Variants in MPZL1 observed in about 807,000 individuals in gnomAD.
MPZL1 encodes the protein myelin protein zero like 1.
In MPZL1, 16 loss-of-function variants were observed where a neutral mutation model predicts 29.3. The ratio of observed to expected loss-of-function variants is 0.55; its 90% CI spans 0.37 to 0.83. The LOEUF (loss-of-function observed/expected upper bound fraction) is 0.83, where lower values mean the gene tolerates loss of function less well. MPZL1 is among the 40% of genes least tolerant of loss of function. The probability of loss-of-function intolerance (pLI) is 0.00; values close to 1 mark genes in which losing one functional copy is unlikely to be tolerated. For missense variants in MPZL1, 279 were observed against 332.9 expected (o/e 0.84, Z 1.26); for synonymous variants, 143 against 132.0 (o/e 1.08, Z -0.57).
rs397981852 is a variant in MPZL1 at position 167,767,815 on chromosome 1, T to TTTC, written c.258+2066_258+2067insTTC. Among the ~76,000 whole-genome samples, 54 of 143,600 alleles carry TTTC rather than the reference T, an allele frequency of 3.8e-4. 4 individuals carry two copies. The highest frequency in any genetic ancestry group is 1.5e-3 in the African/African-American group (54 of 36,622). 94.2% of individuals were successfully genotyped at this position (143,600 alleles called of 152,430 possible). A position where few individuals can be genotyped will look rare whatever the true frequency, so the allele number is the denominator to read the frequency against. On this transcript the variant is annotated intron_variant, in intron 2 of 5. Coordinates refer to ENST00000359523, the MANE Select transcript of MPZL1 (RefSeq NM_003953.6). ...TGCTTTTTTTTTTTTTTTTTTTTTT[T>TTTC]AGGTTAATTGTGTTCATCTGCAGAT...
intron 5 of MPZL1, among the ~76,000 whole-genome samples, chr1:167,785,885 T>C (rs946297902): frequency 6.6e-6 from 1 of 152,166 alleles, no homozygotes; most frequent in African/African-American, 2.4e-5. Context: ...CTCCGCCTCC[T>C]GGGTTCACAC....
chr1:167,739,310 C>CATAAAT (rs68082264), intron 1 of MPZL1, among the ~76,000 whole-genome samples: 2 of 101,360 alleles, frequency 2.0e-5, no homozygotes, highest in East Asian at 2.5e-4. Context: ...TATATATATA[C>CATAAAT]ACATATATAT....
intron 1 of MPZL1, among the ~76,000 whole-genome samples, chr1:167,764,664 A>C (rs1229119600): frequency 6.6e-6 from 1 of 152,244 alleles, no homozygotes; most frequent in Non-Finnish European, 1.5e-5. Context: ...CGTAACAGAT[A>C]AGCATGAGAA....
intron 1 of MPZL1, among the ~76,000 whole-genome samples, chr1:167,759,441 G>A (rs1660935132): frequency 6.6e-6 from 1 of 152,192 alleles, no homozygotes. Flanking sequence ...TAAGAAACCA[G>A]TGAACTCATC....
At chr1:167,766,917 AG>A (rs1661127172) in intron 2 of MPZL1, among the ~76,000 whole-genome samples, 1 of 152,240 alleles carries the variant, frequency 6.6e-6, no homozygotes, top group African/African-American at 2.4e-5. Context: ...GGATTACCTA[AG>A]GCAGTGCTTC....
chr1:167,773,399 T>C, intron 4 of MPZL1, 31 bp downstream of exon 4: 1 of 1,595,826 alleles, frequency 6.3e-7, no homozygotes, highest in Non-Finnish European at 8.5e-7. Flanking sequence ...AGGGCAGGGG[T>C]GGAGGGAGGG....
intron 1 of MPZL1, among the ~76,000 whole-genome samples, chr1:167,722,473 CGGA>C (rs1371049300): frequency 6.6e-6 from 1 of 152,110 alleles, no homozygotes; most frequent in African/African-American, 2.4e-5. Context: ...TCCTGGAGTG[CGGA>C]GGAGGAGGGG....
chr1:167,746,787 A>G lies in MPZL1; in HGVS notation c.92-18796A>G, dbSNP rs112973404. 6.1e-3 allele frequency among the ~76,000 whole-genome samples: 935 copies of G among 152,336 alleles called. 6 individuals carry two copies. The highest frequency in any genetic ancestry group is 0.02 in the Middle Eastern group (6 of 294). On this transcript the variant is annotated intron_variant, in intron 1 of 5. Coordinates refer to ENST00000359523, the MANE Select transcript of MPZL1 (RefSeq NM_003953.6). ...TGTTTTTGGCTTTTTCCTAAGGGCT[A>G]TATATTCTTAAATTAAAGGTGATTT...
chr1:167,742,461 A>T (rs1036158837), intron 1 of MPZL1, among the ~76,000 whole-genome samples: 2 of 152,102 alleles, frequency 1.3e-5, no homozygotes, highest in Non-Finnish European at 2.9e-5. Context: ...TTTAAAATAA[A>T]TATATATGGA....
intron 1 of MPZL1, among the ~76,000 whole-genome samples, chr1:167,728,251 A>G (rs1397067023): frequency 1.3e-5 from 2 of 151,748 alleles, no homozygotes; most frequent in Admixed American, 6.6e-5. Context: ...CATGTCGGGC[A>G]GGCTGGTCTC....
chr1:167,726,764 A>G (rs1660153200), intron 1 of MPZL1, among the ~76,000 whole-genome samples: 1 of 152,230 alleles, frequency 6.6e-6, no homozygotes, highest in Non-Finnish European at 1.5e-5. Context: ...GCCAAAAGAA[A>G]AAGATAAATG....
At chr1:167,745,889 G>A (rs1037037620) in intron 1 of MPZL1, among the ~76,000 whole-genome samples, 2 of 151,994 alleles carry the variant, frequency 1.3e-5, no homozygotes, top group Non-Finnish European at 2.9e-5. Flanking sequence ...CATTAATTCT[G>A]ACACAGTTTT....
At chr1:167,758,676 G>A (rs941197009) in intron 1 of MPZL1, among the ~76,000 whole-genome samples, 2 of 151,996 alleles carry the variant, frequency 1.3e-5, no homozygotes, top group African/African-American at 2.4e-5. Context: ...ATGACTTTGC[G>A]GGCTTTTTTC....
intron 1 of MPZL1, among the ~76,000 whole-genome samples, chr1:167,739,115 T>TA (rs1302839611): frequency 6.6e-6 from 1 of 151,288 alleles, no homozygotes; most frequent in African/African-American, 2.4e-5. Context: ...CTAAGCTTTG[T>TA]GTTTTTTGGT....
intron 1 of MPZL1, among the ~76,000 whole-genome samples, chr1:167,740,418 T>C (rs1270235614): frequency 6.6e-6 from 1 of 152,302 alleles, no homozygotes; most frequent in South Asian, 2.1e-4. Flanking sequence ...TGACAAACCA[T>C]ATTAGTTCTT....
chr1:167,733,070 A>G (rs72697764), intron 1 of MPZL1, among the ~76,000 whole-genome samples: 6,742 of 152,312 alleles, frequency 0.044, 204 homozygotes, highest in Middle Eastern at 0.12. Flanking sequence ...GATTCACATT[A>G]GACTTTTTGT....
intron 1 of MPZL1, among the ~76,000 whole-genome samples, chr1:167,726,191 A>G (rs1200406860): frequency 6.6e-6 from 1 of 151,964 alleles, no homozygotes; most frequent in African/African-American, 2.4e-5. Flanking sequence ...CCCACCTCCT[A>G]GCCTTTGAAC....
intron 1 of MPZL1, among the ~76,000 whole-genome samples, chr1:167,757,448 G>T (rs1474454535): frequency 6.6e-6 from 1 of 152,174 alleles, no homozygotes; most frequent in Non-Finnish European, 1.5e-5. Context: ...AAGAGTGTAT[G>T]TGTGTACAGT....
chr1:167,722,978 GA>G (rs200590371), intron 1 of MPZL1, among the ~76,000 whole-genome samples: 14 of 150,740 alleles, frequency 9.3e-5, no homozygotes, highest in African/African-American at 1.7e-4. Context: ...TTTCCTAAAG[GA>G]AAAAAAAAGC....
Sources: allele counts gnomAD v4.1 joint callset (sites outside exome capture counted in the v4.1 genomes callset), GRCh38; gene constraint gnomAD v4.1.1; transcripts MANE v1.5; gene names NCBI Gene and HGNC (gene_info 2026-07-23, HGNC 2026-07-21).